The following PRICKLE2 variants were observed in gnomAD, a reference collection of about 807,000 sequenced individuals.
PRICKLE2 encodes the protein prickle-like protein 2.
PRICKLE2 carries 21 observed loss-of-function variants against 81.4 expected under a neutral mutation model. The ratio of observed to expected loss-of-function variants is 0.26; its 90% confidence interval spans 0.18 to 0.37. The LOEUF is 0.37. Ranked by LOEUF, PRICKLE2 falls within the 10% of genes least tolerant of loss-of-function variation. PRICKLE2 has a pLI of 1.00. For missense variants in PRICKLE2, 940 were observed against 1,109.0 expected (o/e 0.85, Z 2.16); for synonymous variants, 456 against 421.5 (o/e 1.08, Z -1.00).
chr3:64,240,143 A>G (rs2079242555), intron 2 of PRICKLE2, among the ~76,000 whole-genome samples: 1 of 152,074 alleles, frequency 6.6e-6, no homozygotes, highest in Admixed American at 6.6e-5. Flanking sequence ...ATTTTCATTT[A>G]GCCTGCTGAA....
chr3:64,219,423 C>T (rs697286), intron 1 of PRICKLE2, among the ~76,000 whole-genome samples: 71,015 of 152,040 alleles, frequency 0.47, 19,025 homozygotes, highest in East Asian at 0.67. Context: ...CTGCCCACAG[C>T]CACAAGTTTA....
chr3:64,101,279 C>G (rs1288232580), intron 7 of PRICKLE2: 3 of 152,004 alleles, frequency 2.0e-5, no homozygotes, highest in African/African-American at 7.3e-5. Flanking sequence ...TTGTAATAGC[C>G]CAGAAACGGA....
At chr3:64,136,498 C>G (rs898121169) in intron 7 of PRICKLE2, among the ~76,000 whole-genome samples, 3 of 150,286 alleles carry the variant, frequency 2.0e-5, no homozygotes, top group African/African-American at 7.4e-5. Context: ...CTGGAATACT[C>G]AAATTGATGG....
At position 64,150,931 on chromosome 3, in the gene PRICKLE2, T is replaced by A. The variant is rs2077536298; in HGVS notation, c.787+2251A>T. Reference sequence around the variant, plus strand: ...CTGAACTGCTCCTGAACTCTAAACATCTGGAAAAGGGCTCTGCTGTTCGAC... The same window carrying A: ...CTGAACTGCTCCTGAACTCTAAACAACTGGAAAAGGGCTCTGCTGTTCGAC... On this transcript the variant is annotated intron_variant, in intron 6 of 7. Transcript: ENST00000638394. Among the ~76,000 whole-genome samples the A allele has an allele frequency of 2.0e-5, 3 of 152,166 alleles. No homozygotes were observed. The South Asian group carries it at 6.2e-4, about 32-fold the overall frequency.
At chr3:64,247,562 A>G (rs2079376483) in intron 2 of PRICKLE2, among the ~76,000 whole-genome samples, 1 of 152,184 alleles carries the variant, frequency 6.6e-6, no homozygotes, top group African/African-American at 2.4e-5. Flanking sequence ...TTGTTTAGCT[A>G]TGCAAAATTT....
At chr3:64,157,508 C>G in intron 4 of PRICKLE2, 143 bp from the exon 5 acceptor site, 1 of 841,154 alleles carries the variant, frequency 1.2e-6, no homozygotes, top group South Asian at 1.5e-5. Flanking sequence ...TTTACACAGG[C>G]AGCAGGGCAG....
At chr3:64,141,273 T>C (rs911536164) in intron 7 of PRICKLE2, among the ~76,000 whole-genome samples, 3 of 152,224 alleles carry the variant, frequency 2.0e-5, no homozygotes, top group Non-Finnish European at 4.4e-5. Context: ...CAAGTTTAAA[T>C]TCTGCTTTTC....
At chr3:64,246,298 TGC>T (rs2079351954) in intron 2 of PRICKLE2, among the ~76,000 whole-genome samples, 1 of 152,018 alleles carries the variant, frequency 6.6e-6, no homozygotes, top group Non-Finnish European at 1.5e-5. Context: ...AAAACCTCAT[TGC>T]TATAATTACC....
At chr3:64,258,893 G>GAAAGAAATAAAT (rs796940955) in intron 2 of PRICKLE2, among the ~76,000 whole-genome samples, 25 of 141,018 alleles carry the variant, frequency 1.8e-4, no homozygotes, top group African/African-American at 5.0e-4. Flanking sequence ...AAGAAAGAAA[G>GAAAGAAATAAAT]AAATCAGGAG....
intron 2 of PRICKLE2, among the ~76,000 whole-genome samples, chr3:64,184,652 A>AT (rs2078190120): frequency 6.6e-6 from 1 of 151,388 alleles, no homozygotes; most frequent in East Asian, 1.9e-4. Context: ...AAAAAAAAAA[A>AT]TTTGAGATGG....
At chr3:64,213,444 C>T (rs938753940) in intron 1 of PRICKLE2, among the ~76,000 whole-genome samples, 3 of 152,164 alleles carry the variant, frequency 2.0e-5, no homozygotes, top group Non-Finnish European at 2.9e-5. Flanking sequence ...AATGACCTGT[C>T]GGATGAATCA....
At chr3:64,246,790 A>G (rs2079363375) in intron 2 of PRICKLE2, among the ~76,000 whole-genome samples, 2 of 152,234 alleles carry the variant, frequency 1.3e-5, no homozygotes, top group Admixed American at 1.3e-4. Context: ...GTTCACAGCC[A>G]AAGGTTTTAC....
Position 64,185,925 on chromosome 3 carries a change from G to A in PRICKLE2, c.144+12859C>T, listed in dbSNP as rs192268722. On this transcript the variant is annotated intron_variant, in intron 2 of 7. Transcript: ENST00000638394. ...CAGAACTCTTGTCAATCCTTTTGTC[G>A]TTCCTCCCTCTCATTTCCCCATCCC... Among the ~76,000 whole-genome samples the A allele has an allele frequency of 1.6e-3, 244 of 152,214 alleles. 1 individual carries two copies. Among genetic ancestry groups the A allele is most frequent in the African/African-American group, 5.7e-3 (236 of 41,548 alleles).
intron 7 of PRICKLE2, among the ~76,000 whole-genome samples, chr3:64,138,411 A>AG (rs1405321905): frequency 1.3e-5 from 2 of 152,236 alleles, no homozygotes; most frequent in African/African-American, 4.8e-5. Flanking sequence ...CTAATAGGGA[A>AG]GATCAATACT....
intron 2 of PRICKLE2, among the ~76,000 whole-genome samples, chr3:64,236,949 C>G (rs965453161): frequency 5.1e-4 from 78 of 152,202 alleles, no homozygotes; most frequent in South Asian, 2.1e-4. Flanking sequence ...GCGGTGATCT[C>G]TGCATCTGAG....
At chr3:64,105,202 C>T (rs1267061684) in intron 7 of PRICKLE2, among the ~76,000 whole-genome samples, 4 of 150,310 alleles carry the variant, frequency 2.7e-5, no homozygotes, top group Non-Finnish European at 5.9e-5. Context: ...TCAGCAGTGT[C>T]ATTTCTGAAC....
intron 7 of PRICKLE2, chr3:64,141,776 G>A (rs1294222926): frequency 8.1e-6 from 8 of 983,074 alleles, no homozygotes; most frequent in Non-Finnish European, 9.7e-6. Flanking sequence ...GAAAAATGCT[G>A]CCCACAGAAA....
At chr3:64,234,072 T>G (rs1407963351) in intron 2 of PRICKLE2, among the ~76,000 whole-genome samples, 1 of 152,198 alleles carries the variant, frequency 6.6e-6, no homozygotes, top group Non-Finnish European at 1.5e-5. Flanking sequence ...CATCAATTGA[T>G]GGATATTTGG....
chr3:64,212,942 T>C (rs2078812181), intron 1 of PRICKLE2, among the ~76,000 whole-genome samples: 1 of 152,180 alleles, frequency 6.6e-6, no homozygotes, highest in African/African-American at 2.4e-5. Flanking sequence ...TGATAAATCT[T>C]AGCAAATCCT....
Sources: gnomAD v4.1 joint callset for allele counts (sites outside exome capture counted in the v4.1 genomes callset) on GRCh38, gnomAD v4.1.1 for gene constraint, MANE v1.5 for transcripts, NCBI Gene and HGNC (gene_info 2026-07-23, HGNC 2026-07-21) for gene names.